Variants in CACNG7 observed in about 807,000 individuals in gnomAD.
CACNG7 encodes voltage-dependent calcium channel gamma-7 subunit.
In CACNG7, 9 loss-of-function variants were observed where a neutral mutation model predicts 26.3. The ratio of observed to expected loss-of-function variants is 0.34; its 90% CI spans 0.21 to 0.60. The LOEUF is 0.60. Among genes scored for constraint, CACNG7 ranks in the 20% least tolerant of loss-of-function variants. The pLI is 0.81. For missense variants in CACNG7, 297 were observed against 380.4 expected, an observed-to-expected ratio of 0.78 and a Z score of 1.82; for synonymous variants, 170 against 157.0, an observed-to-expected ratio of 1.08 and a Z score of -0.62.
At chr19:53,928,477 G>C (rs1398891920) in intron 4 of CACNG7, among the ~76,000 whole-genome samples, 1 of 152,102 alleles carries the variant, frequency 6.6e-6, no homozygotes, top group East Asian at 2.0e-4. Context: ...GTTTCACCAT[G>C]TTGGCCAGGC....
chr19:53,923,285 G>T (rs2068981337), intron 4 of CACNG7, among the ~76,000 whole-genome samples: 4 of 110,758 alleles, frequency 3.6e-5, no homozygotes, highest in Admixed American at 3.2e-4. Flanking sequence ...AGTTGCCCCA[G>T]GTCTGGTCAT....
At chr19:53,924,791 G>GGGC (rs1568777873) in intron 4 of CACNG7, among the ~76,000 whole-genome samples, 34 of 96,314 alleles carry the variant, frequency 3.5e-4, no homozygotes, top group African/African-American at 1.4e-3. Context: ...GACTTGCCTA[G>GGGC]TGCTGGTCAT....
intron 4 of CACNG7, 24 bp downstream of exon 4, chr19:53,915,529 G>A (rs766503259): frequency 6.2e-7 from 1 of 1,607,952 alleles, no homozygotes; most frequent in African/African-American, 1.3e-5. Flanking sequence ...CTTGGGGGTT[G>A]GGGGGGACCA....
chr19:53,927,992 G>C (rs1208614777), intron 4 of CACNG7, among the ~76,000 whole-genome samples: 2 of 150,660 alleles, frequency 1.3e-5, no homozygotes, highest in African/African-American at 2.5e-5. Flanking sequence ...TGTGCTTTAA[G>C]AATTACAAAG....
intron 4 of CACNG7, among the ~76,000 whole-genome samples, chr19:53,938,312 C>T (rs2069117763): frequency 6.6e-6 from 1 of 152,006 alleles, no homozygotes; most frequent in Non-Finnish European, 1.5e-5. Flanking sequence ...TGCACCAATG[C>T]ACTCCTGCCT....
intron 4 of CACNG7, among the ~76,000 whole-genome samples, chr19:53,926,338 TCTC>T (rs1452082251): frequency 1.3e-5 from 2 of 151,742 alleles, no homozygotes; most frequent in African/African-American, 4.8e-5. Flanking sequence ...GCCTCATTCT[TCTC>T]CTTGAAAATG....
At position 53,941,607 on chromosome 19, in the gene CACNG7, C is replaced by T. The variant is rs2069137864; in HGVS notation, c.562C>T (p.Leu188Phe). Reference protein sequence around the residue: ...SFAFAASSFLLKEGAGVMSVY... With the variant: ...SFAFAASSFLFKEGAGVMSVY... ...TGCCTTCGCCGCTTCCTCCTTCCTA[C>T]TCAAAGAGGTGACGTCCGTGGGACC... The change falls in exon 5 of 6, where the codon CTC becomes TTC. Residue 188 changes from leucine (L) to phenylalanine (F), a missense_variant. Leu to Phe is a conservative substitution (Grantham distance 22, BLOSUM62 0). Coordinates refer to ENST00000391767, the MANE Select transcript of CACNG7 (RefSeq NM_031896.5). 4 of 1,611,626 alleles carry T rather than the reference C, an allele frequency of 2.5e-6. No individual in the cohort carries two copies. The East Asian group carries it at 8.9e-5, about 36-fold the overall frequency.
chr19:53,927,641 C>G lies in CACNG7; in HGVS notation c.424+12136C>G, dbSNP rs557457565. The stretch of plus-strand genomic sequence containing the variant: ...TCACCTGAGGTTAGGAGTTCGAGAC[C>G]AGACTAGCCAACATGGTGAAACCCC... On this transcript the variant is annotated intron_variant, in intron 4 of 5. Coordinates refer to ENST00000391767, the MANE Select transcript of CACNG7 (RefSeq NM_031896.5). Among the ~76,000 whole-genome samples the G allele has an allele frequency of 7.9e-5, 12 of 152,128 alleles. No homozygotes were observed. The South Asian group carries it at 2.5e-3, about 32-fold the overall frequency.
At chr19:53,925,732 G>T (rs550891441) in intron 4 of CACNG7, among the ~76,000 whole-genome samples, 47 of 152,376 alleles carry the variant, frequency 3.1e-4, no homozygotes, top group Middle Eastern at 3.4e-3. Context: ...GCTGGGGATG[G>T]ACTAGAGGGA....
intron 4 of CACNG7, among the ~76,000 whole-genome samples, chr19:53,919,968 G>A (rs1340997312): frequency 3.1e-5 from 4 of 128,650 alleles, no homozygotes; most frequent in Admixed American, 7.8e-5. Context: ...TCTGGTCATT[G>A]GTGGAGTTGT....
In CACNG7 at chr19:53,914,102, C is replaced by T. The variant is rs372758441; in HGVS notation, c.197-398C>T. 2.6e-3 allele frequency among the ~76,000 whole-genome samples: 388 copies of T among 151,840 alleles called. 1 individual carries two copies. In the Middle Eastern group the frequency reaches 0.028, roughly 11 times the overall value. Reference sequence around the variant, plus strand: ...CAGTCTGGCCAACATGGTGAAACCCCGTCTCTACTAAAAATACAGAAATTA... The same window carrying T: ...CAGTCTGGCCAACATGGTGAAACCCTGTCTCTACTAAAAATACAGAAATTA... On this transcript the variant is annotated intron_variant, in intron 2 of 5. Coordinates refer to ENST00000391767, the MANE Select transcript of CACNG7 (RefSeq NM_031896.5).
intron 4 of CACNG7, among the ~76,000 whole-genome samples, chr19:53,919,619 G>T (rs2068923554): frequency 7.1e-6 from 1 of 140,976 alleles, no homozygotes; most frequent in Non-Finnish European, 1.5e-5. Flanking sequence ...GCCCCAGGCT[G>T]GTCATTGGTG....
rs2069140591 is a variant in CACNG7, at chr19:53,942,014, C to T, written c.571-22C>T. 6.4e-7 allele frequency: 1 copy of T among 1,567,204 alleles called. No homozygotes were observed. Among genetic ancestry groups the T allele is most frequent in the Non-Finnish European group, 8.7e-7 (1 of 1,152,398 alleles). On this transcript the variant is annotated intron_variant, in intron 5 of 5. Coordinates refer to ENST00000391767, the MANE Select transcript of CACNG7 (RefSeq NM_031896.5). This position sits in a 1 kb window ranked among gnomAD's most constrained non-coding sequence, Gnocchi z 5.9. ...GATGCGCAGGGGGGCGCCCCTGGGA[C>T]TCTGACCTTGCCTTGCCGCAGGGGG... is the stretch of plus-strand genomic sequence containing the variant.
chr19:53,916,866 C>A (rs536767836), intron 4 of CACNG7, among the ~76,000 whole-genome samples: 23 of 149,414 alleles, frequency 1.5e-4, no homozygotes, highest in Non-Finnish European at 2.7e-4. Flanking sequence ...GGCGTGATCT[C>A]GGCCCATTGC....
In CACNG7 at chr19:53,938,804, C is replaced by T. The variant is rs146386224; in HGVS notation, c.425-2666C>T. On this transcript the variant is annotated intron_variant, in intron 4 of 5. Coordinates refer to ENST00000391767, the MANE Select transcript of CACNG7 (RefSeq NM_031896.5). Reference sequence around the variant, plus strand: ...TCTGCAAAAAATACAAAAAATTAGCCGGGCGTGGTGGTGTGCACCTGTAGT... The same window carrying T: ...TCTGCAAAAAATACAAAAAATTAGCTGGGCGTGGTGGTGTGCACCTGTAGT... 9.7e-3 allele frequency among the ~76,000 whole-genome samples: 1,467 copies of T among 151,328 alleles called. 24 individuals are homozygous for T. The highest frequency in any genetic ancestry group is 0.033 in the African/African-American group (1,367 of 41,178).
chr19:53,922,427 GT>G (rs757230873), intron 4 of CACNG7, among the ~76,000 whole-genome samples: 79 of 113,346 alleles, frequency 7.0e-4, no homozygotes, highest in Non-Finnish European at 1.1e-3. Context: ...GTTGTCCCAG[GT>G]CTGGTCATTG....
At chr19:53,923,051 C>T (rs1409161214) in intron 4 of CACNG7, among the ~76,000 whole-genome samples, 2 of 114,878 alleles carry the variant, frequency 1.7e-5, no homozygotes, top group South Asian at 5.8e-4. Context: ...CAGGCCTGGT[C>T]ATTGGTGCAG....
chr19:53,925,860 A>C (rs2069026850), intron 4 of CACNG7, among the ~76,000 whole-genome samples: 1 of 152,206 alleles, frequency 6.6e-6, no homozygotes, highest in Non-Finnish European at 1.5e-5. Context: ...CATGTGAGAG[A>C]GGGATATTGA....
chr19:53,921,748 GT>G lies in CACNG7; in HGVS notation c.424+6244del, dbSNP rs1246371117. Among the ~76,000 whole-genome samples the G allele has an allele frequency of 8.6e-5, 9 of 104,250 alleles. 1 individual carries two copies. Among genetic ancestry groups the G allele is most frequent in the Non-Finnish European group, 1.3e-4 (7 of 54,700 alleles). The allele number at this position is 104,250 out of a possible 152,430, so 68.4% of individuals were successfully genotyped here. Reference sequence around the variant, plus strand: ...CTGGTCATTGGTGGAGTTGCCCCAGGTCTGGTATTGGTGGAGTTGTCCCAGG... The same window carrying G: ...CTGGTCATTGGTGGAGTTGCCCCAGGCTGGTATTGGTGGAGTTGTCCCAGG... On this transcript the variant is annotated intron_variant, in intron 4 of 5. Coordinates refer to ENST00000391767, the MANE Select transcript of CACNG7 (RefSeq NM_031896.5).
Sources: gnomAD v4.1 joint callset for allele counts (sites outside exome capture counted in the v4.1 genomes callset) on GRCh38, gnomAD v4.1.1 for gene constraint, Gnocchi (gnomAD v3.1) non-coding constraint, MANE v1.5 for transcripts, NCBI Gene and HGNC (gene_info 2026-07-23, HGNC 2026-07-21) for gene names.